SLC25A12: variants seen among roughly 807,000 people sequenced by gnomAD.
SLC25A12 encodes the protein solute carrier family 25 member 12, also known as electrogenic aspartate/glutamate antiporter SLC25A12, mitochondrial.
In SLC25A12, 32 loss-of-function variants were observed where a neutral mutation model predicts 83.3. The ratio of observed to expected loss-of-function variants is 0.38; its 90% CI spans 0.29 to 0.52. The LOEUF is 0.52. Ranked by LOEUF, SLC25A12 falls within the 20% of genes least tolerant of loss-of-function variation. SLC25A12 has a pLI of 0.84. For synonymous variants in SLC25A12, 267 were observed against 291.1 expected (o/e 0.92, Z 0.84); for missense variants, 611 against 835.6 (o/e 0.73, Z 3.31).
intron 2 of SLC25A12, among the ~76,000 whole-genome samples, chr2:171,889,445 AAGTATTACTTC>A (rs932417868): frequency 1.8e-4 from 27 of 152,098 alleles, no homozygotes; most frequent in Non-Finnish European, 1.5e-5. Flanking sequence ...TAATTCTCAA[AAGTATTACTTC>A]AGTAGCCTCT....
chr2:171,855,582 T>C (rs147961645), intron 4 of SLC25A12, among the ~76,000 whole-genome samples: 18 of 56,628 alleles, frequency 3.2e-4, no homozygotes, highest in Non-Finnish European at 8.3e-4. Flanking sequence ...TCTTACACCA[T>C]TTATTTTAGG....
chr2:171,880,782 T>G (rs1464310548), intron 2 of SLC25A12, among the ~76,000 whole-genome samples: 1 of 152,182 alleles, frequency 6.6e-6, no homozygotes, highest in South Asian at 2.1e-4. Context: ...ATGTTTGAAA[T>G]TTTTCATAAC....
At chr2:171,858,489 G>T (rs1685088914) in intron 3 of SLC25A12, among the ~76,000 whole-genome samples, 1 of 152,124 alleles carries the variant, frequency 6.6e-6, no homozygotes. Context: ...CAAATTTCAT[G>T]CTCAGTAGTA....
At chr2:171,833,741 C>T (rs1230460902) in intron 8 of SLC25A12, among the ~76,000 whole-genome samples, 2 of 151,952 alleles carry the variant, frequency 1.3e-5, no homozygotes, top group African/African-American at 4.8e-5. Context: ...CTTGTTCTCT[C>T]CTTTCCCCTC....
chr2:171,844,677 C>T (rs1286949837), intron 4 of SLC25A12, among the ~76,000 whole-genome samples, 169 bp from the exon 5 acceptor site: 1 of 152,146 alleles, frequency 6.6e-6, no homozygotes, highest in Non-Finnish European at 1.5e-5. Flanking sequence ...CGCAGGAACA[C>T]AACTGATACA....
chr2:171,856,116 T>TATC (rs2105906039), intron 3 of SLC25A12, among the ~76,000 whole-genome samples, 167 bp from the exon 4 acceptor site: 1 of 152,318 alleles, frequency 6.6e-6, no homozygotes, highest in East Asian at 1.9e-4. Context: ...AGAATTAGAA[T>TATC]ATCACCCTTT....
intron 1 of SLC25A12, among the ~76,000 whole-genome samples, chr2:171,893,755 G>T (rs767471308): frequency 6.6e-6 from 1 of 152,122 alleles, no homozygotes; most frequent in Non-Finnish European, 1.5e-5. Context: ...TCCATACCCT[G>T]CAATCTGCAA....
intron 15 of SLC25A12, chr2:171,788,718 G>T (rs1209473156): frequency 6.6e-6 from 1 of 152,388 alleles, no homozygotes; most frequent in African/African-American, 2.4e-5. Flanking sequence ...ATTCAATTTG[G>T]CCTGAATATC....
intron 3 of SLC25A12, among the ~76,000 whole-genome samples, chr2:171,868,310 A>AG (rs1558938514): frequency 9.6e-6 from 1 of 104,060 alleles, no homozygotes; most frequent in East Asian, 3.0e-4. Flanking sequence ...TGGGTTTTTT[A>AG]ATTTTTTTTT....
intron 3 of SLC25A12, among the ~76,000 whole-genome samples, chr2:171,860,929 AAAAT>A (rs1408964547): frequency 6.6e-6 from 1 of 151,998 alleles, no homozygotes; most frequent in African/African-American, 2.4e-5. Context: ...AAAAAATACC[AAAAT>A]AAATAAAAAT....
rs550152089 is a variant in SLC25A12 at position 171,815,166 on chromosome 2, T to A, written c.967A>T (p.Ile323Phe). ...PGLGRPIWLQIAESAYRFTLG... is the reference protein window; with the variant it reads ...PGLGRPIWLQFAESAYRFTLG... The stretch of plus-strand genomic sequence containing the variant: ...GTGAATCTGTAAGCAGACTCGGCAA[T>A]CTGGAGCCAGATAGGCCTGCCTAAC... The change falls in exon 10 of 18, where the codon ATT becomes TTT. Residue 323 changes from isoleucine (I) to phenylalanine (F), a missense_variant. Coordinates refer to ENST00000422440, the MANE Select transcript of SLC25A12 (RefSeq NM_003705.5). 3.0e-5 allele frequency: 49 copies of A among 1,613,704 alleles called. No individual in the cohort carries two copies. In the Admixed American group the frequency reaches 6.0e-4, roughly 20 times the overall value.
At chr2:171,841,418 G>A (rs1332134536) in intron 5 of SLC25A12, among the ~76,000 whole-genome samples, 3 of 151,960 alleles carry the variant, frequency 2.0e-5, no homozygotes, top group East Asian at 1.9e-4. Flanking sequence ...GGTCACCCAC[G>A]CTGGAGTGCA....
rs148928615 is a variant in SLC25A12, at chr2:171,893,329, G to T, written c.13-71C>A. The T allele has an allele frequency of 9.1e-4, 1,152 of 1,270,944 alleles. 7 individuals carry two copies. The Middle Eastern group carries it at 0.017, about 19-fold the overall frequency. The allele number at this position is 1,270,944 out of a possible 1,614,324, so 78.7% of individuals were successfully genotyped here. On this transcript the variant is annotated intron_variant, in intron 1 of 17. Coordinates refer to ENST00000422440, the MANE Select transcript of SLC25A12 (RefSeq NM_003705.5). ...ACCACACAATCTCTTCAGATTAGAG[G>T]TCACATGGCTAACAATCAATGCTCC...
At chr2:171,798,197 G>A (rs931756799) in intron 13 of SLC25A12, among the ~76,000 whole-genome samples, 4 of 152,172 alleles carry the variant, frequency 2.6e-5, no homozygotes, top group African/African-American at 9.7e-5. Context: ...ATTTTTTAAT[G>A]AGAAAATCAA....
intron 13 of SLC25A12, among the ~76,000 whole-genome samples, chr2:171,803,498 A>C (rs1222860021): frequency 6.6e-6 from 1 of 152,212 alleles, no homozygotes; most frequent in African/African-American, 2.4e-5. Context: ...TTTTTCAAAG[A>C]AGATATACAA....
intron 2 of SLC25A12, among the ~76,000 whole-genome samples, chr2:171,880,163 G>A (rs1272765525): frequency 6.6e-6 from 1 of 152,136 alleles, no homozygotes; most frequent in African/African-American, 2.4e-5. Context: ...ATGATAATTG[G>A]TGACACTGGA....
chr2:171,838,524 T>C (rs1163605506), intron 5 of SLC25A12, among the ~76,000 whole-genome samples: 2 of 152,344 alleles, frequency 1.3e-5, no homozygotes, highest in South Asian at 2.1e-4. Context: ...CTCTTTCTTA[T>C]GTCTTTGTCT....
intron 3 of SLC25A12, among the ~76,000 whole-genome samples, chr2:171,865,538 G>A (rs1685271137): frequency 1.3e-5 from 2 of 151,970 alleles, no homozygotes; most frequent in Non-Finnish European, 2.9e-5. Context: ...GCACATATCT[G>A]TAATCCCAGC....
At chr2:171,839,055 G>T (rs1406218962) in intron 5 of SLC25A12, among the ~76,000 whole-genome samples, 1 of 152,098 alleles carries the variant, frequency 6.6e-6, no homozygotes, top group African/African-American at 2.4e-5. Flanking sequence ...AAACATCAGG[G>T]TACAATAGAT....
Sources: gnomAD v4.1 joint callset for allele counts (sites outside exome capture counted in the v4.1 genomes callset) on GRCh38, gnomAD v4.1.1 for gene constraint, MANE v1.5 for transcripts, NCBI Gene and HGNC (gene_info 2026-07-23, HGNC 2026-07-21) for gene names.